KCMF1: variants seen among roughly 807,000 people sequenced by gnomAD.
The protein encoded by KCMF1 is potassium channel modulatory factor 1, also known as E3 ubiquitin-protein ligase KCMF1.
Under a neutral mutation model 41.1 loss-of-function variants are expected in KCMF1, and 3 were observed. That is an observed-to-expected ratio of 0.07 (90% CI 0.03 to 0.19). The LOEUF is 0.19. Ranked by LOEUF, KCMF1 falls within the 10% of genes least tolerant of loss-of-function variation. KCMF1 has a pLI of 1.00. For missense variants in KCMF1, 286 were observed against 488.9 expected (o/e 0.58, Z 3.91); for synonymous variants, 142 against 164.5 (o/e 0.86, Z 1.04).
chr2:85,036,520 G>T (rs921324856), intron 3 of KCMF1, among the ~76,000 whole-genome samples: 1 of 152,118 alleles, frequency 6.6e-6, no homozygotes, highest in African/African-American at 2.4e-5. Flanking sequence ...ATTAGACTGT[G>T]CACAGTGACT....
intron 1 of KCMF1, among the ~76,000 whole-genome samples, chr2:85,017,110 C>T (rs952055063): frequency 6.0e-5 from 9 of 151,112 alleles, no homozygotes; most frequent in South Asian, 2.1e-4. Flanking sequence ...CTGCAAGCTC[C>T]GCTTCCCGGG....
At chr2:84,973,708 T>C (rs112664324) in intron 1 of KCMF1, among the ~76,000 whole-genome samples, 2,780 of 152,308 alleles carry the variant, frequency 0.018, 69 homozygotes, top group African/African-American at 0.063. Flanking sequence ...GACCTATCAG[T>C]AAATACAGTG....
At chr2:84,983,806 C>T (rs1044214988) in intron 1 of KCMF1, among the ~76,000 whole-genome samples, 13 of 151,958 alleles carry the variant, frequency 8.6e-5, no homozygotes, top group African/African-American at 1.4e-4. Context: ...CCACTGCGTC[C>T]GGCTGACTTT....
chr2:84,971,556 G>A, intron 1 of KCMF1, 89 bp downstream of exon 1: 1 of 751,108 alleles, frequency 1.3e-6, no homozygotes, highest in Non-Finnish European at 1.7e-6. Flanking sequence ...CCGGGAAGCG[G>A]CGGAGACTTT....
chr2:85,047,429 T>C (rs1675696211), intron 5 of KCMF1, among the ~76,000 whole-genome samples: 2 of 152,096 alleles, frequency 1.3e-5, no homozygotes, highest in African/African-American at 4.8e-5. Flanking sequence ...TTCCACCACA[T>C]GGACACATTT....
At chr2:85,049,269 C>T in intron 5 of KCMF1, 97 bp from the exon 6 acceptor site, 1 of 1,278,860 alleles carries the variant, frequency 7.8e-7, no homozygotes, top group Non-Finnish European at 1.1e-6. Flanking sequence ...TACCTGTTCA[C>T]AATGCTTTTG....
At chr2:85,021,415 A>C (rs1674935667) in intron 1 of KCMF1, among the ~76,000 whole-genome samples, 1 of 152,188 alleles carries the variant, frequency 6.6e-6, no homozygotes, top group Non-Finnish European at 1.5e-5. Flanking sequence ...CGAGGTCAGG[A>C]GATCGAGAAC....
chr2:84,998,364 G>A (rs1176179589), intron 1 of KCMF1, among the ~76,000 whole-genome samples: 3 of 151,956 alleles, frequency 2.0e-5, no homozygotes, highest in Admixed American at 6.6e-5. Flanking sequence ...CAAACTGCTG[G>A]GATTATAGGC....
intron 4 of KCMF1, 96 bp downstream of exon 4, chr2:85,043,761 G>T (rs1399560335): frequency 1.2e-6 from 1 of 850,086 alleles, no homozygotes; most frequent in African/African-American, 1.7e-5. Context: ...TGTCGACCTG[G>T]CTGGTCTCAA....
chr2:84,979,563 G>A (rs1304109534), intron 1 of KCMF1, among the ~76,000 whole-genome samples: 2 of 151,798 alleles, frequency 1.3e-5, no homozygotes, highest in Admixed American at 6.6e-5. Flanking sequence ...TAGCTGTGGG[G>A]CTACTTTCAT....
chr2:85,014,716 C>T (rs868376384), intron 1 of KCMF1, among the ~76,000 whole-genome samples: 52 of 142,142 alleles, frequency 3.7e-4, no homozygotes, highest in African/African-American at 5.2e-4. Flanking sequence ...CGCGTGCGTG[C>T]GTGCGTGCGT....
chr2:84,999,859 A>G (rs1310487846), intron 1 of KCMF1, among the ~76,000 whole-genome samples: 1 of 152,182 alleles, frequency 6.6e-6, no homozygotes, highest in Non-Finnish European at 1.5e-5. Context: ...AGGCCCTGAC[A>G]GGAGACAAGG....
intron 1 of KCMF1, among the ~76,000 whole-genome samples, chr2:85,021,395 G>A (rs756716962): frequency 7.9e-5 from 12 of 152,222 alleles, no homozygotes; most frequent in Non-Finnish European, 1.6e-4. Context: ...AGGCCAAGGC[G>A]GGCGGATCAC....
chr2:84,990,494 A>C (rs1361438927), intron 1 of KCMF1, among the ~76,000 whole-genome samples: 2 of 152,072 alleles, frequency 1.3e-5, no homozygotes, highest in Non-Finnish European at 2.9e-5. Flanking sequence ...AAGGTGATAA[A>C]TATTCTGAAG....
At chr2:84,975,252 AG>A (rs1298759864) in intron 1 of KCMF1, among the ~76,000 whole-genome samples, 7 of 151,860 alleles carry the variant, frequency 4.6e-5, no homozygotes, top group African/African-American at 1.5e-4. Context: ...CAAAAAAAAA[AG>A]TGGTGGTTGG....
chr2:85,026,379 C>T (rs2104026222), intron 1 of KCMF1, among the ~76,000 whole-genome samples: 1 of 151,342 alleles, frequency 6.6e-6, no homozygotes, highest in South Asian at 2.1e-4. Context: ...TCAAGCAGCC[C>T]TCTTGTCTTA....
intron 1 of KCMF1, among the ~76,000 whole-genome samples, chr2:84,974,683 ATATATATATTTTTTTT>A (rs1194227942): frequency 5.0e-5 from 2 of 39,694 alleles, no homozygotes; most frequent in East Asian, 1.9e-3. Context: ...ATATATATAT[ATATATATATTTTTTTT>A]TTTTTTTTTT....
At chr2:85,047,951 CTG>C (rs947563999) in intron 5 of KCMF1, among the ~76,000 whole-genome samples, 4 of 152,108 alleles carry the variant, frequency 2.6e-5, no homozygotes, top group African/African-American at 9.7e-5. Flanking sequence ...ACAGCAGACA[CTG>C]GGGGAGGGTA....
chr2:85,015,280 T>C (rs1260014164), intron 1 of KCMF1, among the ~76,000 whole-genome samples: 2 of 152,130 alleles, frequency 1.3e-5, no homozygotes, highest in Non-Finnish European at 2.9e-5. Flanking sequence ...ATTTGCTTAA[T>C]TCATTCAACA....
Sources: allele counts gnomAD v4.1 joint callset (sites outside exome capture counted in the v4.1 genomes callset), GRCh38; gene constraint gnomAD v4.1.1; transcripts MANE v1.5; gene names NCBI Gene and HGNC (gene_info 2026-07-23, HGNC 2026-07-21).